CSMD1: variants seen among roughly 807,000 people sequenced by gnomAD.
CSMD1 encodes the protein CUB and sushi domain-containing protein 1.
Under a neutral mutation model 417.5 loss-of-function variants are expected in CSMD1, and 213 were observed. The observed-to-expected ratio is 0.51, with a 90% CI of 0.46 to 0.57. The LOEUF is 0.57. Ranked by LOEUF, CSMD1 falls within the 20% of genes least tolerant of loss-of-function variation. The pLI, the probability that CSMD1 is intolerant of heterozygous loss-of-function variation, is 0.00. For synonymous variants in CSMD1, 2,862 were observed against 1,736.8 expected (o/e 1.65, Z -16.11); for missense variants, 6,923 against 4,529.7 (o/e 1.53, Z -15.17).
chr8:3,333,454 A>C (rs775586890), intron 23 of CSMD1, among the ~76,000 whole-genome samples: 1 of 152,234 alleles, frequency 6.6e-6, no homozygotes, highest in Admixed American at 6.5e-5. Context: ...TATTTTCCCA[A>C]CGTTTTTCTC....
chr8:4,906,824 C>G (rs548375172), intron 1 of CSMD1, among the ~76,000 whole-genome samples: 2 of 152,328 alleles, frequency 1.3e-5, no homozygotes, highest in Non-Finnish European at 2.9e-5. Flanking sequence ...TCCCATAGTG[C>G]TGAGATTACA....
chr8:3,291,058 C>A (rs542002766), intron 25 of CSMD1, among the ~76,000 whole-genome samples: 3 of 152,146 alleles, frequency 2.0e-5, no homozygotes, highest in South Asian at 2.1e-4. Context: ...TTGTCAAAGG[C>A]CTTTTCTGCA....
chr8:3,406,213 G>C lies in CSMD1; in HGVS notation c.2080C>G (p.Gln694Glu). 1 of 1,598,524 alleles carries C rather than the reference G, an allele frequency of 6.3e-7. No homozygotes were observed. The highest frequency in any genetic ancestry group is 2.2e-5 in the East Asian group (1 of 44,546). The change falls in exon 15 of 70, where the codon CAG becomes GAG. Residue 694 changes from glutamine to glutamate, a missense_variant. Transcript: ENST00000635120. ...GFNITYTTFG[Q>E]NECHDPGIPI... ...ATGCCAGGATCATGGCACTCATTCT[G>C]ACCAAATGCTGAAAGAAAAAGAAGA... is the stretch of plus-strand genomic sequence containing the variant.
At chr8:3,844,352 CAGA>C (rs1803344726) in intron 5 of CSMD1, among the ~76,000 whole-genome samples, 2 of 152,150 alleles carry the variant, frequency 1.3e-5, no homozygotes, top group East Asian at 1.9e-4. Context: ...CAGGAAGTCC[CAGA>C]AGTTCTATCT....
intron 2 of CSMD1, among the ~76,000 whole-genome samples, chr8:4,467,762 T>G (rs17415198): frequency 0.17 from 25,336 of 152,186 alleles, 2,557 homozygotes; most frequent in South Asian, 0.3. Flanking sequence ...ATATTTACCG[T>G]AGAAAGCACC....
chr8:4,189,411 T>C (rs1195438989), intron 3 of CSMD1, among the ~76,000 whole-genome samples: 3 of 152,220 alleles, frequency 2.0e-5, no homozygotes, highest in African/African-American at 7.2e-5. Flanking sequence ...TTTGCCTTTG[T>C]TATTAGAAAA....
chr8:3,379,684 T>A (rs899045475), intron 18 of CSMD1, among the ~76,000 whole-genome samples: 1 of 152,180 alleles, frequency 6.6e-6, no homozygotes, highest in Non-Finnish European at 1.5e-5. Context: ...TTGGGAAAAC[T>A]GGCTAGCCAT....
chr8:4,040,172 G>A (rs961829684), intron 3 of CSMD1, among the ~76,000 whole-genome samples: 25 of 152,294 alleles, frequency 1.6e-4, no homozygotes, highest in African/African-American at 6.0e-4. Flanking sequence ...TGCTAGCATA[G>A]TTGTAATGGA....
chr8:4,962,609 A>C (rs1809581372), intron 1 of CSMD1, among the ~76,000 whole-genome samples: 1 of 152,192 alleles, frequency 6.6e-6, no homozygotes, highest in Non-Finnish European at 1.5e-5. Flanking sequence ...AAAGCACCCC[A>C]GATGCCAGTA....
At chr8:4,109,307 T>G (rs550603138) in intron 3 of CSMD1, among the ~76,000 whole-genome samples, 1 of 152,274 alleles carries the variant, frequency 6.6e-6, no homozygotes, top group African/African-American at 2.4e-5. Flanking sequence ...GCTGTATTTT[T>G]TTTCTATATT....
intron 5 of CSMD1, among the ~76,000 whole-genome samples, chr8:3,879,045 T>A (rs1806024898): frequency 6.6e-6 from 1 of 152,190 alleles, no homozygotes; most frequent in Non-Finnish European, 1.5e-5. Context: ...GTTTGGATAG[T>A]TCTCTAAGAA....
intron 3 of CSMD1, among the ~76,000 whole-genome samples, chr8:4,247,282 T>C (rs1444415977): frequency 6.6e-6 from 1 of 152,154 alleles, no homozygotes; most frequent in Non-Finnish European, 1.5e-5. Context: ...ATCACTTAGA[T>C]AATCAATGGG....
intron 1 of CSMD1, among the ~76,000 whole-genome samples, chr8:4,702,047 G>A (rs567264578): frequency 6.6e-6 from 1 of 152,202 alleles, no homozygotes; most frequent in Non-Finnish European, 1.5e-5. Context: ...TTATAAGTGG[G>A]AGCTGAACAA....
At chr8:4,759,668 G>C (rs896148851) in intron 1 of CSMD1, among the ~76,000 whole-genome samples, 6 of 152,190 alleles carry the variant, frequency 3.9e-5, no homozygotes, top group African/African-American at 7.2e-5. Context: ...TGTGGTGTTT[G>C]GTTTTCGGTT....
chr8:3,818,616 G>A (rs1006383802), intron 5 of CSMD1, among the ~76,000 whole-genome samples: 19 of 152,044 alleles, frequency 1.2e-4, no homozygotes, highest in African/African-American at 4.3e-4. Flanking sequence ...GAGAAACAGG[G>A]TCCCATGGGT....
chr8:3,401,516 G>A (rs1468894593), intron 15 of CSMD1, among the ~76,000 whole-genome samples: 5 of 152,076 alleles, frequency 3.3e-5, no homozygotes, highest in African/African-American at 1.2e-4. Flanking sequence ...AATGATCTCA[G>A]TAAGTAGATT....
chr8:4,054,405 G>C (rs868706672), intron 3 of CSMD1, among the ~76,000 whole-genome samples: 4 of 152,284 alleles, frequency 2.6e-5, no homozygotes, highest in Non-Finnish European at 4.4e-5. Context: ...ATCTACCCTA[G>C]CTAGGCACCC....
chr8:3,800,567 T>C (rs562184468), intron 5 of CSMD1, among the ~76,000 whole-genome samples: 1 of 152,228 alleles, frequency 6.6e-6, no homozygotes, highest in East Asian at 1.9e-4. Flanking sequence ...GATATGGTTG[T>C]CTCCACCAAA....
chr8:3,092,775 G>T (rs998516838), intron 47 of CSMD1, among the ~76,000 whole-genome samples: 3 of 152,052 alleles, frequency 2.0e-5, no homozygotes, highest in Non-Finnish European at 4.4e-5. Context: ...ATGGCACTGG[G>T]GCTTGCCAAC....
Sources: allele counts gnomAD v4.1 joint callset (sites outside exome capture counted in the v4.1 genomes callset), GRCh38; gene constraint gnomAD v4.1.1; transcripts MANE v1.5; gene names NCBI Gene and HGNC (gene_info 2026-07-23, HGNC 2026-07-21).